PPP2R5C: variants seen among roughly 807,000 people sequenced by gnomAD.
PPP2R5C encodes serine/threonine-protein phosphatase 2A 56 kDa regulatory subunit gamma isoform.
In PPP2R5C, 7 loss-of-function variants were observed where a neutral mutation model predicts 68.9. The ratio of observed to expected loss-of-function variants is 0.10; its 90% CI spans 0.06 to 0.19. The LOEUF (loss-of-function observed/expected upper bound fraction) is 0.19, where lower values mean the gene tolerates loss of function less well. Among genes scored for constraint, PPP2R5C ranks in the 10% least tolerant of loss-of-function variants. The probability of loss-of-function intolerance (pLI) is 1.00; values close to 1 mark genes in which losing one functional copy is unlikely to be tolerated. For synonymous variants in PPP2R5C, 210 were observed against 222.2 expected (o/e 0.95, Z 0.49); for missense variants, 348 against 641.3 (o/e 0.54, Z 4.94).
At chr14:101,821,743 A>G (rs1305546140) in intron 1 of PPP2R5C, among the ~76,000 whole-genome samples, 4 of 151,994 alleles carry the variant, frequency 2.6e-5, no homozygotes, top group African/African-American at 9.7e-5. Flanking sequence ...ATTTGGCTTA[A>G]ACTTTCAGAC....
At chr14:101,925,059 T>C in intron 13 of PPP2R5C, 82 bp from the exon 16 acceptor site, 2 of 1,521,754 alleles carry the variant, frequency 1.3e-6, no homozygotes, top group Admixed American at 3.5e-5. Context: ...CTCGCGGTTA[T>C]CCTTTGACTT....
intron 1 of PPP2R5C, chr14:101,810,464 A>G (rs139779775): frequency 6.4e-6 from 1 of 157,094 alleles, no homozygotes; most frequent in African/African-American, 2.4e-5. Context: ...TCGAGGACAC[A>G]TCTCAGAATT....
chr14:101,848,099 C>G (rs1456406286), intron 1 of PPP2R5C, among the ~76,000 whole-genome samples: 1 of 152,168 alleles, frequency 6.6e-6, no homozygotes, highest in Non-Finnish European at 1.5e-5. Context: ...ACTGATCTTT[C>G]TTTTAAGAGA....
At chr14:101,919,222 C>G (rs544238941) in intron 13 of PPP2R5C, among the ~76,000 whole-genome samples, 7 of 152,348 alleles carry the variant, frequency 4.6e-5, no homozygotes, top group Non-Finnish European at 1.0e-4. Flanking sequence ...CCTCTAATTC[C>G]TCAACTCAGG....
chr14:101,849,653 A>G (rs1006190761), intron 1 of PPP2R5C, among the ~76,000 whole-genome samples: 8 of 90,738 alleles, frequency 8.8e-5, no homozygotes, highest in African/African-American at 3.5e-4. Flanking sequence ...GATGAAGGAA[A>G]ATGTTTAATT....
At chr14:101,898,959 C>T (rs989524534) in intron 8 of PPP2R5C, among the ~76,000 whole-genome samples, 2 of 152,174 alleles carry the variant, frequency 1.3e-5, no homozygotes, top group Non-Finnish European at 2.9e-5. Flanking sequence ...CTGGTGTCCA[C>T]GTCCATCTCC....
At chr14:101,908,681 A>AT (rs200955650) in intron 10 of PPP2R5C, among the ~76,000 whole-genome samples, 171 of 145,236 alleles carry the variant, frequency 1.2e-3, no homozygotes, top group East Asian at 6.4e-3. Context: ...GCTTGCATTG[A>AT]TTTTTTTTTT....
chr14:101,817,564 G>A (rs2039798023), intron 1 of PPP2R5C, among the ~76,000 whole-genome samples: 1 of 152,130 alleles, frequency 6.6e-6, no homozygotes. Flanking sequence ...CTTTTGGAGT[G>A]TAACTGCCTT....
At chr14:101,824,216 T>A in intron 1 of PPP2R5C, 1 of 1,188,422 alleles carries the variant, frequency 8.4e-7, no homozygotes, top group South Asian at 1.4e-5. Flanking sequence ...GAGTAATTCT[T>A]AGGATTTAGT....
intron 10 of PPP2R5C, among the ~76,000 whole-genome samples, chr14:101,908,577 T>C (rs896177957): frequency 3.3e-5 from 5 of 152,090 alleles, no homozygotes; most frequent in African/African-American, 9.7e-5. Flanking sequence ...TTTCACCATG[T>C]TGGCCAGGCT....
chr14:101,905,367 A>G, intron 9 of PPP2R5C, among the ~76,000 whole-genome samples: 1 of 150,248 alleles, frequency 6.7e-6, no homozygotes, highest in East Asian at 2.0e-4. Flanking sequence ...TTAAAAAACA[A>G]AAATGGATGG....
chr14:101,919,969 C>CCAAAAAAAAAAAAAAAAAAA (rs775818748), intron 13 of PPP2R5C, among the ~76,000 whole-genome samples: 4 of 52,878 alleles, frequency 7.6e-5, no homozygotes, highest in African/African-American at 1.8e-4. Flanking sequence ...AACTCCGTCT[C>CCAAAAAAAAAAAAAAAAAAA]AAAAAAAAAA....
chr14:101,784,254 C>T (rs2037979638), intron 2 of PPP2R5C, among the ~76,000 whole-genome samples: 1 of 152,158 alleles, frequency 6.6e-6, no homozygotes, highest in Non-Finnish European at 1.5e-5. Flanking sequence ...AAATTAATGT[C>T]TGGGGCTGGA....
At chr14:101,826,715 T>C (rs1301220289) in intron 1 of PPP2R5C, among the ~76,000 whole-genome samples, 3 of 152,184 alleles carry the variant, frequency 2.0e-5, no homozygotes, top group Non-Finnish European at 4.4e-5. Context: ...CTTGTCTCTT[T>C]CTTCTAATTC....
At chr14:101,870,531 C>T (rs1416778743) in intron 2 of PPP2R5C, among the ~76,000 whole-genome samples, 1 of 152,260 alleles carries the variant, frequency 6.6e-6, no homozygotes, top group Non-Finnish European at 1.5e-5. Flanking sequence ...TTGCCAGTCT[C>T]ACACTGTCTT....
intron 8 of PPP2R5C, among the ~76,000 whole-genome samples, chr14:101,895,483 T>G (rs1222433056): frequency 2.6e-5 from 4 of 152,140 alleles, no homozygotes; most frequent in Non-Finnish European, 5.9e-5. Flanking sequence ...CCGTTCTCCC[T>G]CCCTCTGGCC....
intron 1 of PPP2R5C, among the ~76,000 whole-genome samples, chr14:101,833,678 A>T (rs2040899608): frequency 6.6e-6 from 1 of 152,138 alleles, no homozygotes; most frequent in Non-Finnish European, 1.5e-5. Context: ...AGCCAGATGA[A>T]TTGCTGAGTC....
At chr14:101,864,196 C>T (rs1236943938) in intron 2 of PPP2R5C, among the ~76,000 whole-genome samples, 2 of 152,102 alleles carry the variant, frequency 1.3e-5, no homozygotes, top group Non-Finnish European at 2.9e-5. Flanking sequence ...GGCATTAAGA[C>T]TCGTCTTAAC....
At chr14:101,807,675 T>A (rs1456065474), upstream of PPP2R5C, among the ~76,000 whole-genome samples, 2 of 152,114 alleles carry the variant, frequency 1.3e-5, no homozygotes, top group African/African-American at 4.8e-5. Context: ...TATCTTAGAG[T>A]CTGTTTTATC....
Sources: allele counts gnomAD v4.1 joint callset (sites outside exome capture counted in the v4.1 genomes callset), GRCh38; gene constraint gnomAD v4.1.1; transcripts MANE v1.5; gene names NCBI Gene and HGNC (gene_info 2026-07-23, HGNC 2026-07-21).